RXFP1: variants seen among roughly 807,000 people sequenced by gnomAD.
RXFP1 encodes relaxin family peptide receptor 1.
RXFP1 carries 73 observed loss-of-function variants against 89.8 expected under a neutral mutation model. That is an observed-to-expected ratio of 0.81 (90% confidence interval 0.67 to 0.99). The LOEUF is 0.99. Ranked by LOEUF, RXFP1 falls within the 50% of genes least tolerant of loss-of-function variation. RXFP1 has a pLI of 0.00. For synonymous variants in RXFP1, 277 were observed against 305.5 expected (o/e 0.91, Z 0.97); for missense variants, 793 against 895.5 (o/e 0.89, Z 1.46).
At chr4:158,564,669 C>A (rs573748726) in intron 1 of RXFP1, among the ~76,000 whole-genome samples, 1 of 152,264 alleles carries the variant, frequency 6.6e-6, no homozygotes, top group East Asian at 1.9e-4. Flanking sequence ...AGGACTAAAA[C>A]AGCATTCAGG....
chr4:158,568,984 C>A (rs1225729316), intron 1 of RXFP1, among the ~76,000 whole-genome samples: 1 of 152,172 alleles, frequency 6.6e-6, no homozygotes, highest in African/African-American at 2.4e-5. Context: ...GATTTACAAA[C>A]TTGGTAAGGA....
chr4:158,554,718 T>TG (rs1561001379), intron 1 of RXFP1, among the ~76,000 whole-genome samples: 1 of 144,546 alleles, frequency 6.9e-6, no homozygotes, highest in Non-Finnish European at 1.5e-5. Flanking sequence ...GGCAATGATG[T>TG]AAAAAAAAAA....
intron 9 of RXFP1, among the ~76,000 whole-genome samples, chr4:158,618,160 C>A (rs1469973998): frequency 6.6e-6 from 1 of 152,028 alleles, no homozygotes; most frequent in East Asian, 1.9e-4. Context: ...AAGGAAAGGG[C>A]AAATTAAGTT....
rs1025237142 is a variant in RXFP1, at chr4:158,522,111, C to A, written c.49+86C>A. 6 of 751,032 alleles carry A rather than the reference C, an allele frequency of 8.0e-6. No homozygotes were observed. In the Admixed American group the frequency reaches 1.1e-4, roughly 14 times the overall value. 46.5% of individuals were successfully genotyped at this position (751,032 alleles called of 1,614,324 possible). On this transcript the variant is annotated intron_variant, in intron 1 of 17. Coordinates refer to ENST00000307765, the MANE Select transcript of RXFP1 (RefSeq NM_021634.4). ...CAAATGTTTACTCCTTATATTTATG[C>A]TTTTAAGATAAAATGCACTTGCTGA...
chr4:158,560,531 T>A (rs958590037), intron 1 of RXFP1, among the ~76,000 whole-genome samples: 2 of 152,202 alleles, frequency 1.3e-5, no homozygotes, highest in Non-Finnish European at 1.5e-5. Flanking sequence ...CAGTTAGGAA[T>A]TCACTTTCTT....
Position 158,645,043 on chromosome 4 carries a change from C to A in RXFP1, c.1250C>A (p.Ala417Glu), listed in dbSNP as rs1771240959. 6.2e-7 allele frequency: 1 copy of A among 1,614,160 alleles called. No individual in the cohort carries two copies. Among genetic ancestry groups the A allele is most frequent in the Admixed American group, 1.7e-5 (1 of 60,028 alleles). ...IQRVFVWVVS[A>E]VTCFGNIFVI... is the part of the protein sequence containing the mutation. The stretch of plus-strand genomic sequence containing the variant: ...AGAGTATTTGTCTGGGTTGTATCTG[C>A]AGTTACCTGCTTTGGAAACATTTTT... The change falls in exon 15 of 18, where the codon GCA becomes GAA. Residue 417 changes from alanine (A) to glutamate (E), a missense_variant. Transcript: ENST00000307765.
intron 1 of RXFP1, among the ~76,000 whole-genome samples, chr4:158,556,224 C>CAAAAAAAAAAAAAAAATAAAAAA (rs1751261859): frequency 1.5e-5 from 2 of 132,480 alleles, no homozygotes; most frequent in Non-Finnish European, 3.2e-5. Context: ...AACTTAACAG[C>CAAAAAAAAAAAAAAAATAAAAAA]AAAAAAAAAA....
At chr4:158,591,934 C>T (rs1169218639) in intron 2 of RXFP1, among the ~76,000 whole-genome samples, 1 of 152,076 alleles carries the variant, frequency 6.6e-6, no homozygotes, top group Non-Finnish European at 1.5e-5. Flanking sequence ...CCAACCCCTA[C>T]CAAGAGAATG....
intron 1 of RXFP1, among the ~76,000 whole-genome samples, chr4:158,553,012 C>T (rs1302995334): frequency 6.6e-6 from 1 of 152,042 alleles, no homozygotes; most frequent in Non-Finnish European, 1.5e-5. Context: ...TAGCAAGACC[C>T]TGCCTCTACA....
At chr4:158,545,938 T>C (rs1748237424) in intron 1 of RXFP1, among the ~76,000 whole-genome samples, 4 of 152,084 alleles carry the variant, frequency 2.6e-5, no homozygotes, top group Admixed American at 6.6e-5. Context: ...TGTGGGCTCT[T>C]TTTTCGTTCC....
Position 158,646,524 on chromosome 4 carries a change from T to G in RXFP1, c.1346-267T>G, listed in dbSNP as rs1771578956. ...GATGGGTCTAGAACAATAGACAAGA[T>G]CTGTGCTGTTAGAGACTTGCACTTT... On this transcript the variant is annotated intron_variant, in intron 15 of 17. Transcript: ENST00000307765. 1.2e-5 allele frequency: 16 copies of G among 1,282,810 alleles called. No homozygotes were observed. In the South Asian group the frequency reaches 2.6e-4, roughly 21 times the overall value. 79.5% of individuals were successfully genotyped at this position (1,282,810 alleles called of 1,614,324 possible).
chr4:158,593,777 G>A (rs1382850264), intron 3 of RXFP1, among the ~76,000 whole-genome samples: 27 of 152,170 alleles, frequency 1.8e-4, no homozygotes, highest in Admixed American at 1.7e-3. Context: ...CAGAATCAAT[G>A]TCAGTCAAGG....
intron 6 of RXFP1, chr4:158,610,672 A>T: frequency 7.8e-7 from 1 of 1,289,610 alleles, no homozygotes; most frequent in Non-Finnish European, 1.0e-6. Flanking sequence ...AATGAAGAGG[A>T]CTGGGCAAAA....
chr4:158,633,462 G>A lies in RXFP1; in HGVS notation c.957G>A (p.Lys319=). 6.3e-7 allele frequency: 1 copy of A among 1,597,954 alleles called. No homozygotes were observed. Among genetic ancestry groups the A allele is most frequent in the Non-Finnish European group, 8.6e-7 (1 of 1,168,946 alleles). The change falls in exon 12 of 18, where the codon AAG becomes AAA. Residue 319 remains lysine (K), a synonymous_variant. Coordinates refer to ENST00000307765, the MANE Select transcript of RXFP1 (RefSeq NM_021634.4). ...CACCGCTTATATTCAAGGACCTGAA[G>A]GAGCTGTCACAATTGTAAGACTGAT... ...NLPPLIFKDL[K]ELSQLNLSYN... is the part of the protein sequence containing the mutation.
chr4:158,593,858 A>G (rs1056607493), intron 3 of RXFP1, among the ~76,000 whole-genome samples: 4 of 152,244 alleles, frequency 2.6e-5, no homozygotes, highest in Admixed American at 1.3e-4. Flanking sequence ...GAGAAAGTAG[A>G]GAGGGCAGAA....
intron 11 of RXFP1, among the ~76,000 whole-genome samples, chr4:158,632,958 T>A (rs1470599645): frequency 2.0e-5 from 3 of 152,006 alleles, no homozygotes; most frequent in Non-Finnish European, 4.4e-5. Context: ...GATCACAAGG[T>A]CAGGAGTTCG....
At chr4:158,626,140 A>ATAGATAGATAGATAGT (rs1554019500) in intron 9 of RXFP1, among the ~76,000 whole-genome samples, 32 of 147,230 alleles carry the variant, frequency 2.2e-4, no homozygotes, top group Admixed American at 6.1e-4. Flanking sequence ...AGATAGATAG[A>ATAGATAGATAGATAGT]TAGATAGATA....
At chr4:158,639,732 T>A (rs1220147683) in intron 14 of RXFP1, among the ~76,000 whole-genome samples, 1 of 152,100 alleles carries the variant, frequency 6.6e-6, no homozygotes. Context: ...TAGCCAGTCG[T>A]GGTGGTGATT....
intron 1 of RXFP1, among the ~76,000 whole-genome samples, chr4:158,524,850 G>A (rs1029204633): frequency 1.8e-5 from 2 of 113,820 alleles, no homozygotes; most frequent in Non-Finnish European, 3.9e-5. Context: ...TTCTTTTAAT[G>A]TTTTAGATAG....
Sources: gnomAD v4.1 joint callset for allele counts (sites outside exome capture counted in the v4.1 genomes callset) on GRCh38, gnomAD v4.1.1 for gene constraint, MANE v1.5 for transcripts, NCBI Gene and HGNC (gene_info 2026-07-23, HGNC 2026-07-21) for gene names.